Variants in PGM5 observed in about 807,000 individuals in gnomAD.
PGM5 encodes the protein phosphoglucomutase 5.
Under a neutral mutation model 59.2 loss-of-function variants are expected in PGM5, and 23 were observed. The observed-to-expected ratio is 0.39, with a 90% CI of 0.28 to 0.55. The LOEUF is 0.55. PGM5 is among the 20% of genes least tolerant of loss of function. The pLI is 0.66. For missense variants in PGM5, 574 were observed against 748.3 expected, an observed-to-expected ratio of 0.77 and a Z score of 2.72; for synonymous variants, 214 against 286.0, an observed-to-expected ratio of 0.75 and a Z score of 2.54.
intron 10 of PGM5, among the ~76,000 whole-genome samples, chr9:68,508,831 A>G (rs10780986): frequency 0.074 from 11,234 of 152,306 alleles, 782 homozygotes; most frequent in East Asian, 0.35. Context: ...AAAGCTACCC[A>G]GGTCTCATGA....
chr9:68,522,155 T>C (rs1354116202), intron 10 of PGM5, among the ~76,000 whole-genome samples: 3 of 152,166 alleles, frequency 2.0e-5, no homozygotes, highest in African/African-American at 7.2e-5. Flanking sequence ...CTCAGGAGGC[T>C]GGGGCAGTAG....
chr9:68,472,733 G>C (rs1824041902), intron 7 of PGM5, among the ~76,000 whole-genome samples: 2 of 152,180 alleles, frequency 1.3e-5, no homozygotes, highest in African/African-American at 4.8e-5. Flanking sequence ...TCAGACACAG[G>C]CCCTTCCCTC....
intron 10 of PGM5, among the ~76,000 whole-genome samples, chr9:68,503,982 C>T (rs782003350): frequency 4.6e-5 from 7 of 152,174 alleles, no homozygotes; most frequent in Non-Finnish European, 1.0e-4. Context: ...AGAGATTTTG[C>T]ATTTCTAACA....
chr9:68,395,567 C>G (rs1822478284), intron 6 of PGM5: 1 of 152,082 alleles, frequency 6.6e-6, no homozygotes, highest in African/African-American at 2.4e-5. Flanking sequence ...ATCTTCCATT[C>G]CATGAATGTG....
chr9:68,386,711 T>G (rs1347699658), intron 3 of PGM5, among the ~76,000 whole-genome samples: 1 of 152,056 alleles, frequency 6.6e-6, no homozygotes, highest in African/African-American at 2.4e-5. Flanking sequence ...ATTTACTACT[T>G]CTTGGAAAAG....
At chr9:68,440,176 A>G (rs564404313) in intron 6 of PGM5, among the ~76,000 whole-genome samples, 46 of 152,336 alleles carry the variant, frequency 3.0e-4, no homozygotes, top group South Asian at 8.3e-4. Context: ...ACAGAAACAG[A>G]TAGATCTGAT....
chr9:68,407,102 G>A (rs1563996960), intron 6 of PGM5, among the ~76,000 whole-genome samples: 3 of 151,942 alleles, frequency 2.0e-5, no homozygotes, highest in South Asian at 4.2e-4. Context: ...TTCATATATT[G>A]AGCCTTTCAG....
At chr9:68,374,644 G>A (rs1821832412) in intron 1 of PGM5, among the ~76,000 whole-genome samples, 1 of 151,312 alleles carries the variant, frequency 6.6e-6, no homozygotes, top group African/African-American at 2.4e-5. Context: ...GGTGCTGGCT[G>A]TTAGCCTCCC....
At chr9:68,460,144 G>A (rs1416726950) in intron 6 of PGM5, among the ~76,000 whole-genome samples, 3 of 152,154 alleles carry the variant, frequency 2.0e-5, no homozygotes, top group African/African-American at 7.2e-5. Flanking sequence ...AGCTGGATAT[G>A]CCTCACACAC....
intron 10 of PGM5, among the ~76,000 whole-genome samples, chr9:68,528,178 TTA>T (rs1188034879): frequency 3.9e-5 from 6 of 152,262 alleles, no homozygotes; most frequent in African/African-American, 1.2e-4. Flanking sequence ...TATCCTAATA[TTA>T]CCCAAACTTC....
In PGM5 at chr9:68,479,555, TGAG is replaced by T. The variant is rs782518383; in HGVS notation, c.1295+6_1295+8del. On this transcript the variant is annotated splice_donor_5th_base_variant and intron_variant, in intron 8 of 10. Coordinates refer to ENST00000396396, the MANE Select transcript of PGM5 (RefSeq NM_021965.4). ...ATTTGGCCGCCACTACTATTGCAGG[TGAG>T]GAGAAGGGGAAGGGTCTCTGTATGG... 1.9e-6 allele frequency: 3 copies of T among 1,613,614 alleles called. No individual in the cohort carries two copies. The highest frequency in any genetic ancestry group is 2.7e-5 in the African/African-American group (2 of 74,880).
chr9:68,359,995 C>A (rs1834547017), intron 1 of PGM5, among the ~76,000 whole-genome samples: 1 of 152,086 alleles, frequency 6.6e-6, no homozygotes, highest in Non-Finnish European at 1.5e-5. Flanking sequence ...TAGGTGCATG[C>A]CACTATGCAC....
At chr9:68,481,564 G>T (rs564661021) in intron 8 of PGM5, among the ~76,000 whole-genome samples, 4 of 152,276 alleles carry the variant, frequency 2.6e-5, no homozygotes, top group African/African-American at 9.6e-5. Flanking sequence ...TAGTGAGATC[G>T]CTTTGAGTCA....
At chr9:68,463,186 T>TC (rs1554685544) in intron 6 of PGM5, among the ~76,000 whole-genome samples, 1 of 152,020 alleles carries the variant, frequency 6.6e-6, no homozygotes, top group East Asian at 1.9e-4. Context: ...CTAGATGTTT[T>TC]TTTTTTTTTT....
At chr9:68,472,840 T>C (rs1824043733) in intron 7 of PGM5, among the ~76,000 whole-genome samples, 1 of 152,204 alleles carries the variant, frequency 6.6e-6, no homozygotes, top group South Asian at 2.1e-4. Context: ...TGACACAGAA[T>C]TATTCACTGG....
chr9:68,363,885 C>T (rs1243777864), intron 1 of PGM5, among the ~76,000 whole-genome samples: 1 of 151,898 alleles, frequency 6.6e-6, no homozygotes, highest in Non-Finnish European at 1.5e-5. Context: ...CATATGAAAG[C>T]ACTTTGTAAC....
intron 6 of PGM5, among the ~76,000 whole-genome samples, chr9:68,444,782 G>A (rs1823584760): frequency 6.6e-6 from 1 of 152,172 alleles, no homozygotes; most frequent in African/African-American, 2.4e-5. Context: ...CACCATGGTG[G>A]GTTATTCTAC....
intron 9 of PGM5, chr9:68,498,916 TC>T (rs1824525025): frequency 9.4e-6 from 3 of 317,858 alleles, no homozygotes; most frequent in Admixed American, 8.9e-5. Flanking sequence ...TATCATTTCA[TC>T]CCTGTGACTT....
At chr9:68,391,777 G>A (rs1394560351) in intron 5 of PGM5, 53 bp downstream of exon 5, 19 of 1,555,158 alleles carry the variant, frequency 1.2e-5, no homozygotes, top group Non-Finnish European at 1.6e-5. Flanking sequence ...AATGAGCCAT[G>A]CACTGGAAAG....
Sources: gnomAD v4.1 joint callset for allele counts (sites outside exome capture counted in the v4.1 genomes callset) on GRCh38, gnomAD v4.1.1 for gene constraint, MANE v1.5 for transcripts, NCBI Gene and HGNC (gene_info 2026-07-23, HGNC 2026-07-21) for gene names.